SORCS2: variants seen among roughly 807,000 people sequenced by gnomAD.
SORCS2 encodes sortilin related VPS10 domain containing receptor 2.
SORCS2 carries 100 observed loss-of-function variants against 141.6 expected under a neutral mutation model. The observed-to-expected ratio is 0.71, with a 90% CI of 0.60 to 0.83. The LOEUF is 0.83. Ranked by LOEUF, SORCS2 falls within the 40% of genes least tolerant of loss-of-function variation. SORCS2 has a pLI of 0.00. For synonymous variants in SORCS2, 789 were observed against 676.9 expected (o/e 1.17, Z -2.57); for missense variants, 1,646 against 1,560.2 (o/e 1.05, Z -0.93).
chr4:7,724,346 TAACA>T, intron 19 of SORCS2, among the ~76,000 whole-genome samples: 11 of 138,292 alleles, frequency 8.0e-5, no homozygotes, highest in Non-Finnish European at 1.7e-4. Flanking sequence ...GTGATGATGG[TAACA>T]GTAGTGGTAG....
intron 26 of SORCS2, among the ~76,000 whole-genome samples, chr4:7,739,764 G>T (rs779401213): frequency 6.6e-6 from 1 of 152,076 alleles, no homozygotes; most frequent in Non-Finnish European, 1.5e-5. Context: ...CGGGACACCC[G>T]GCTCACCCCT....
intron 1 of SORCS2, among the ~76,000 whole-genome samples, chr4:7,255,834 G>A (rs963823987): frequency 2.0e-5 from 3 of 150,188 alleles, no homozygotes; most frequent in African/African-American, 7.4e-5. Flanking sequence ...GTGGGGACCC[G>A]GGGTTGGTGC....
chr4:7,641,814 A>ATGGG (rs1470507296), intron 4 of SORCS2, among the ~76,000 whole-genome samples: 5 of 108,238 alleles, frequency 4.6e-5, no homozygotes, highest in African/African-American at 1.1e-4. Context: ...GGATGGATGG[A>ATGGG]TGGGTGGGTG....
At chr4:7,211,578 G>C (rs1728063422) in intron 1 of SORCS2, among the ~76,000 whole-genome samples, 1 of 152,102 alleles carries the variant, frequency 6.6e-6, no homozygotes, top group Non-Finnish European at 1.5e-5. Flanking sequence ...TCACCATATT[G>C]GCCAGGCTGG....
chr4:7,626,019 G>A (rs770740576), intron 3 of SORCS2, among the ~76,000 whole-genome samples: 39 of 152,104 alleles, frequency 2.6e-4, no homozygotes, highest in Non-Finnish European at 4.6e-4. Context: ...GTACACACGC[G>A]CCTGTGGTTC....
chr4:7,706,264 G>C (rs371015752), intron 14 of SORCS2, among the ~76,000 whole-genome samples: 2,844 of 116,764 alleles, frequency 0.024, 48 homozygotes, highest in East Asian at 0.15. Flanking sequence ...GATGAGGCTG[G>C]GCTCCGCCTG....
chr4:7,327,287 G>A (rs528618360), intron 1 of SORCS2, among the ~76,000 whole-genome samples: 10 of 152,208 alleles, frequency 6.6e-5, no homozygotes, highest in African/African-American at 2.4e-4. Flanking sequence ...CTCCTCACCT[G>A]TCCCACCTCC....
chr4:7,704,622 G>A (rs1725300013), intron 14 of SORCS2, among the ~76,000 whole-genome samples: 1 of 152,204 alleles, frequency 6.6e-6, no homozygotes, highest in Admixed American at 6.5e-5. Flanking sequence ...CCATCCCGGG[G>A]TCTGAGGCTG....
chr4:7,290,856 A>G (rs1486560925), intron 1 of SORCS2, among the ~76,000 whole-genome samples: 7 of 152,164 alleles, frequency 4.6e-5, no homozygotes. Context: ...TGCTCCAGGC[A>G]GGGCTGAGGA....
At chr4:7,319,786 T>C (rs1200609559) in intron 1 of SORCS2, among the ~76,000 whole-genome samples, 1 of 152,266 alleles carries the variant, frequency 6.6e-6, no homozygotes, top group African/African-American at 2.4e-5. Context: ...GAAGTTTTGC[T>C]GTCACTGGTG....
intron 1 of SORCS2, among the ~76,000 whole-genome samples, chr4:7,315,583 A>G (rs557169273): frequency 6.6e-6 from 1 of 151,990 alleles, no homozygotes; most frequent in South Asian, 2.1e-4. Flanking sequence ...GTGGTGCGCC[A>G]CCTCTCTCCC....
chr4:7,438,671 T>C (rs1378987335), intron 2 of SORCS2, among the ~76,000 whole-genome samples: 4 of 152,068 alleles, frequency 2.6e-5, no homozygotes, highest in African/African-American at 9.7e-5. Flanking sequence ...TTCCTTCCTC[T>C]TTCCTTTTTT....
chr4:7,500,372 G>A (rs190050101), intron 2 of SORCS2, among the ~76,000 whole-genome samples: 3 of 152,252 alleles, frequency 2.0e-5, no homozygotes, highest in East Asian at 3.9e-4. Context: ...CAAACCCTCT[G>A]CCTGCATTGA....
chr4:7,244,681 C>T (rs900732591), intron 1 of SORCS2, among the ~76,000 whole-genome samples: 1 of 152,218 alleles, frequency 6.6e-6, no homozygotes, highest in African/African-American at 2.4e-5. Context: ...TGTGCGGTTG[C>T]CCCTACTCTG....
At chr4:7,456,271 G>T (rs1007662692) in intron 2 of SORCS2, among the ~76,000 whole-genome samples, 2 of 152,170 alleles carry the variant, frequency 1.3e-5, no homozygotes, top group East Asian at 3.9e-4. Flanking sequence ...ACACAATTCT[G>T]CCCATGACAG....
At chr4:7,241,974 G>A (rs1475478246) in intron 1 of SORCS2, among the ~76,000 whole-genome samples, 1 of 152,206 alleles carries the variant, frequency 6.6e-6, no homozygotes, top group Non-Finnish European at 1.5e-5. Flanking sequence ...CTGCAGCTGA[G>A]TGCAGCTTGA....
chr4:7,474,499 G>A lies in SORCS2; in HGVS notation c.549-57031G>A, dbSNP rs956418726. Among the ~76,000 whole-genome samples the A allele has an allele frequency of 9.2e-5, 14 of 152,332 alleles. No homozygotes were observed. In the East Asian group the frequency reaches 1.7e-3, roughly 19 times the overall value. Reference sequence around the variant, plus strand: ...GCCCTAGGGCTGATGTCCGCAGCACGGTCCCTGGCTGCAGGAGGGCATGGG... The same window carrying A: ...GCCCTAGGGCTGATGTCCGCAGCACAGTCCCTGGCTGCAGGAGGGCATGGG... On this transcript the variant is annotated intron_variant, in intron 2 of 26. Coordinates refer to ENST00000507866, the MANE Select transcript of SORCS2 (RefSeq NM_020777.3).
chr4:7,676,560 T>C (rs926492812), intron 9 of SORCS2, among the ~76,000 whole-genome samples: 16 of 152,122 alleles, frequency 1.1e-4, no homozygotes, highest in Admixed American at 6.5e-4. Flanking sequence ...CTGCCAGCTC[T>C]CTCACAAGCC....
intron 5 of SORCS2, among the ~76,000 whole-genome samples, chr4:7,659,968 G>A (rs1422371592): frequency 2.0e-5 from 3 of 152,218 alleles, no homozygotes; most frequent in Admixed American, 6.5e-5. Context: ...TATGAGCTTT[G>A]ATCTGTTTTC....
Sources: allele counts gnomAD v4.1 joint callset (sites outside exome capture counted in the v4.1 genomes callset), GRCh38; gene constraint gnomAD v4.1.1; transcripts MANE v1.5; gene names NCBI Gene and HGNC (gene_info 2026-07-23, HGNC 2026-07-21).